The following EPB41L3 variants were observed in gnomAD, a reference collection of about 807,000 sequenced individuals.
EPB41L3 encodes erythrocyte membrane protein band 4.1 like 3.
A neutral mutation model predicts 127.1 loss-of-function variants in EPB41L3; 57 were observed. The ratio of observed to expected loss-of-function variants is 0.45; its 90% CI spans 0.36 to 0.56. The LOEUF (loss-of-function observed/expected upper bound fraction) is 0.56, where lower values mean the gene tolerates loss of function less well. EPB41L3 is among the 20% of genes least tolerant of loss of function. The pLI, the probability that EPB41L3 is intolerant of heterozygous loss-of-function variation, is 0.00. For missense variants in EPB41L3, 1,273 were observed against 1,372.2 expected (o/e 0.93, Z 1.14); for synonymous variants, 572 against 549.5 (o/e 1.04, Z -0.57).
In EPB41L3 at chr18:5,482,938, T is replaced by C. The variant is rs568819680; in HGVS notation, c.184-4500A>G. ...CCTTTCAATGTATCAAACCTAGTGG[T>C]AAAATCAAGTACATGGATAAACCCA... On this transcript the variant is annotated intron_variant, in intron 2 of 22. Transcript: ENST00000341928. Among the ~76,000 whole-genome samples the C allele has an allele frequency of 1.1e-4, 17 of 152,222 alleles. No homozygotes were observed. The South Asian group carries it at 3.1e-3, about 28-fold the overall frequency.
chr18:5,438,642 G>A (rs1418090133), intron 5 of EPB41L3, among the ~76,000 whole-genome samples: 1 of 152,226 alleles, frequency 6.6e-6, no homozygotes, highest in Non-Finnish European at 1.5e-5. Context: ...TAAGTGGGCT[G>A]CTCTGTGGGC....
intron 3 of EPB41L3, among the ~76,000 whole-genome samples, chr18:5,590,933 G>A (rs78023724): frequency 2.6e-3 from 389 of 152,150 alleles, no homozygotes; most frequent in African/African-American, 8.9e-3. Flanking sequence ...ACTACGAAGG[G>A]GTAGCACATG....
chr18:5,508,304 A>G (rs753173315), intron 1 of EPB41L3: 1 of 152,212 alleles, frequency 6.6e-6, no homozygotes, highest in Non-Finnish European at 1.5e-5. Context: ...AAAGGGAATG[A>G]TTTACTATTA....
chr18:5,417,929 T>TC (rs1199005183), intron 12 of EPB41L3, among the ~76,000 whole-genome samples: 1 of 152,108 alleles, frequency 6.6e-6, no homozygotes, highest in African/African-American at 2.4e-5. Flanking sequence ...ACCCAGGGGA[T>TC]CCCAGCCTGG....
At chr18:5,505,320 T>C (rs1381096126) in intron 1 of EPB41L3, among the ~76,000 whole-genome samples, 2 of 152,002 alleles carry the variant, frequency 1.3e-5, no homozygotes, top group African/African-American at 4.8e-5. Context: ...CATCAAGAAG[T>C]AACTTTTCCT....
intron 13 of EPB41L3, among the ~76,000 whole-genome samples, chr18:5,414,490 A>G (rs2076556375): frequency 6.6e-6 from 1 of 152,178 alleles, no homozygotes; most frequent in Non-Finnish European, 1.5e-5. Flanking sequence ...CCCTCAACAT[A>G]TAATACTATA....
rs543931461 is a variant in EPB41L3, at chr18:5,628,390, G to C, written c.-468+532C>G. Among the ~76,000 whole-genome samples the C allele has an allele frequency of 1.8e-4, 27 of 152,330 alleles. 1 individual carries two copies. The highest frequency in any genetic ancestry group is 6.5e-4 in the African/African-American group (27 of 41,592). On this transcript the variant is annotated intron_variant, in intron 1 of 21. Transcript: ENST00000545076. ...ACGAGGGAGTTGCGGACTGGCGGGG[G>C]CGGGGGTCTGTAACTAACACCAGGT...
upstream of EPB41L3, chr18:5,544,156 G>C (rs1225982330): frequency 1.0e-6 from 1 of 985,402 alleles, no homozygotes; most frequent in Admixed American, 6.1e-5. Context: ...CCCAGCCGCG[G>C]GGGAGGGGGC....
chr18:5,598,301 A>T (rs2094556528), intron 3 of EPB41L3, among the ~76,000 whole-genome samples: 1 of 152,200 alleles, frequency 6.6e-6, no homozygotes, highest in Non-Finnish European at 1.5e-5. Context: ...AGCAGATGAG[A>T]ATACACTTGT....
intron 3 of EPB41L3, among the ~76,000 whole-genome samples, chr18:5,550,705 A>G (rs535869506): frequency 2.6e-5 from 4 of 152,192 alleles, no homozygotes; most frequent in Non-Finnish European, 5.9e-5. Flanking sequence ...AAAATCAGCT[A>G]TAAATTCCTG....
intron 2 of EPB41L3, among the ~76,000 whole-genome samples, chr18:5,613,680 T>C (rs913718186): frequency 2.0e-5 from 3 of 152,178 alleles, no homozygotes; most frequent in African/African-American, 7.2e-5. Context: ...TAGAAATTTC[T>C]ACAAGCTACA....
intron 1 of EPB41L3, among the ~76,000 whole-genome samples, chr18:5,535,041 C>T (rs1331819129): frequency 1.3e-5 from 2 of 152,140 alleles, no homozygotes; most frequent in Non-Finnish European, 2.9e-5. Flanking sequence ...ATCTCCGCCT[C>T]CTGTCAGATC....
At chr18:5,540,676 G>T in intron 1 of EPB41L3, 3 of 442,532 alleles carry the variant, frequency 6.8e-6, no homozygotes, top group Non-Finnish European at 9.0e-6. Context: ...CTGAAGTGGT[G>T]CTAAAGATAA....
chr18:5,427,912 A>T (rs890133886), intron 9 of EPB41L3, among the ~76,000 whole-genome samples: 2 of 151,896 alleles, frequency 1.3e-5, no homozygotes, highest in African/African-American at 4.8e-5. Context: ...CGCCCGGCTA[A>T]TTTTTTGTAT....
At chr18:5,593,617 G>A (rs889538086) in intron 3 of EPB41L3, among the ~76,000 whole-genome samples, 4 of 152,100 alleles carry the variant, frequency 2.6e-5, no homozygotes, top group African/African-American at 7.2e-5. Context: ...CAGGAGACAG[G>A]GTTTGAGAGC....
At chr18:5,611,320 G>T (rs541843761) in intron 3 of EPB41L3, among the ~76,000 whole-genome samples, 1 of 152,326 alleles carries the variant, frequency 6.6e-6, no homozygotes, top group East Asian at 1.9e-4. Flanking sequence ...CCTTCAAAAG[G>T]AAGGACATAC....
chr18:5,395,748 C>T (rs762922325), intron 19 of EPB41L3, 41 bp from the exon 20 acceptor site: 3 of 1,507,332 alleles, frequency 2.0e-6, no homozygotes, highest in Non-Finnish European at 2.8e-6. Context: ...CAGGTGCTCA[C>T]ATCTGCTCTT....
intron 21 of EPB41L3, 131 bp downstream of exon 21, chr18:5,394,936 A>G (rs1012823551): frequency 1.7e-6 from 2 of 1,205,558 alleles, no homozygotes; most frequent in African/African-American, 3.0e-5. Flanking sequence ...ATCATAAATC[A>G]TATATTGGAA....
At chr18:5,590,913 G>T (rs1200314086) in intron 3 of EPB41L3, among the ~76,000 whole-genome samples, 1 of 152,134 alleles carries the variant, frequency 6.6e-6, no homozygotes, top group African/African-American at 2.4e-5. Flanking sequence ...TGGGGTGGGG[G>T]ATGGGTATGA....
Sources: allele counts gnomAD v4.1 joint callset (sites outside exome capture counted in the v4.1 genomes callset), GRCh38; gene constraint gnomAD v4.1.1; transcripts MANE v1.5; gene names NCBI Gene and HGNC (gene_info 2026-07-23, HGNC 2026-07-21).